SPTA1: variants seen among roughly 807,000 people sequenced by gnomAD.
The protein encoded by SPTA1 is spectrin alpha chain, erythrocytic 1.
SPTA1 carries 177 observed loss-of-function variants against 324.7 expected under a neutral mutation model. The observed-to-expected ratio is 0.55, with a 90% CI of 0.48 to 0.62. The LOEUF (loss-of-function observed/expected upper bound fraction) is 0.62, where lower values mean the gene tolerates loss of function less well. Among genes scored for constraint, SPTA1 ranks in the 20% least tolerant of loss-of-function variants. The pLI, the probability that SPTA1 is intolerant of heterozygous loss-of-function variation, is 0.00. For missense variants in SPTA1, 3,162 were observed against 2,883.6 expected (o/e 1.10, Z -2.21); for synonymous variants, 1,195 against 1,041.3 (o/e 1.15, Z -2.84).
chr1:158,670,593 G>A (rs911508026), intron 12 of SPTA1, among the ~76,000 whole-genome samples: 5 of 152,132 alleles, frequency 3.3e-5, no homozygotes, highest in South Asian at 2.1e-4. Flanking sequence ...GGCAAGGGTG[G>A]TGTTAAAGTC....
chr1:158,673,590 G>A (rs1791672), intron 10 of SPTA1, among the ~76,000 whole-genome samples: 75,537 of 151,590 alleles, frequency 0.5, 20,157 homozygotes, highest in Non-Finnish European at 0.59. Context: ...GAGGAAAGAA[G>A]AACATGCACA....
In SPTA1 at chr1:158,638,223, T is replaced by G; in HGVS notation, c.4999A>C (p.Asn1667His). ...LAREDALKDL[N>H]TLAEDLLSSG... ...GAGAGCAAATCTTCAGCCAATGTATTCAGGTCCTTGAGTGCATCCTAGAAA... is the reference window on the plus strand; with the variant it reads ...GAGAGCAAATCTTCAGCCAATGTATGCAGGTCCTTGAGTGCATCCTAGAAA... The change falls in exon 36 of 52, where the codon AAT becomes CAT. Residue 1667 changes from asparagine to histidine, a missense_variant. Physicochemically the swap from Asn to His is moderately conservative, Grantham distance 68 (BLOSUM62 1). Transcript: ENST00000643759. The G allele has an allele frequency of 6.2e-7, 1 of 1,612,898 alleles. No homozygotes were observed. Among genetic ancestry groups the G allele is most frequent in the African/African-American group, 1.3e-5 (1 of 75,046 alleles).
At chr1:158,667,039 T>C (rs529276026) in intron 15 of SPTA1, among the ~76,000 whole-genome samples, 62 of 152,342 alleles carry the variant, frequency 4.1e-4, no homozygotes, top group African/African-American at 1.4e-3. Flanking sequence ...TATTATCTTA[T>C]TGCAATTATT....
At position 158,618,631 on chromosome 1, in the gene SPTA1, T is replaced by G. The variant is rs114853159; in HGVS notation, c.6531-575A>C. ...TGTTATCTTCAGGTACAGAACAGTT[T>G]GCTATTAATAAGCACAATTAACATA... On this transcript the variant is annotated intron_variant, in intron 45 of 51. Coordinates refer to ENST00000643759, the MANE Select transcript of SPTA1 (RefSeq NM_003126.4). 8.6e-3 allele frequency among the ~76,000 whole-genome samples: 1,315 copies of G among 152,332 alleles called. 17 individuals carry two copies. The highest frequency in any genetic ancestry group is 0.03 in the African/African-American group (1,254 of 41,566).
chr1:158,638,056 T>C lies in SPTA1; in HGVS notation c.5166A>G (p.Leu1722=). The C allele has an allele frequency of 2.5e-6, 4 of 1,613,868 alleles. No homozygotes were observed. Among genetic ancestry groups the C allele is most frequent in the Non-Finnish European group, 3.4e-6 (4 of 1,179,830 alleles). The change falls in exon 36 of 52, where the codon CTA becomes CTG. Residue 1722 remains leucine, a synonymous_variant. Transcript: ENST00000643759. ...ACTCTATCCAGGATTCCTCATCATC[T>C]AGATCCTGGAAGAACTGGAACAAGG... The part of the protein sequence containing the change: ...AYALFQFFQD[L]DDEESWIEEK...
chr1:158,616,904 GT>G (rs1187262055), intron 47 of SPTA1, among the ~76,000 whole-genome samples: 4 of 151,562 alleles, frequency 2.6e-5, no homozygotes, highest in African/African-American at 7.3e-5. Flanking sequence ...ATTATTCCTT[GT>G]TTTTTTAATA....
chr1:158,672,987 TG>T (rs1327848073), intron 10 of SPTA1, among the ~76,000 whole-genome samples: 1 of 150,854 alleles, frequency 6.6e-6, no homozygotes, highest in East Asian at 1.9e-4. Context: ...CCGGATGTGG[TG>T]GTGCGCACCT....
chr1:158,672,925 G>A (rs1032621571), intron 10 of SPTA1, among the ~76,000 whole-genome samples: 11 of 147,500 alleles, frequency 7.5e-5, no homozygotes, highest in African/African-American at 2.4e-4. Flanking sequence ...GGTGAAACCC[G>A]GTTTCTACCA....
Position 158,614,237 on chromosome 1 carries a change from A to G in SPTA1, c.6842+16T>C, listed in dbSNP as rs1649421736. Reference sequence around the variant, plus strand: ...CTGAAAAACAAAGAAGCAGTTAACTATGAAATTATACTCACTTATAGATTG... The same window carrying G: ...CTGAAAAACAAAGAAGCAGTTAACTGTGAAATTATACTCACTTATAGATTG... On this transcript the variant is annotated intron_variant, in intron 49 of 51. Transcript: ENST00000643759. 1 of 1,553,322 alleles carries G rather than the reference A, an allele frequency of 6.4e-7. No individual in the cohort carries two copies. The highest frequency in any genetic ancestry group is 8.9e-7 in the Non-Finnish European group (1 of 1,125,242).
In SPTA1 at chr1:158,642,390, A is replaced by T. The variant is rs956528797; in HGVS notation, c.4737+21T>A. ...TCCTCTTCATGTGACTTTGTAGCCC[A>T]AAACTCATCCTGAGCTTTACCTTCA... On this transcript the variant is annotated intron_variant, in intron 33 of 51. Coordinates refer to ENST00000643759, the MANE Select transcript of SPTA1 (RefSeq NM_003126.4). The T allele has an allele frequency of 5.0e-6, 8 of 1,612,154 alleles. No homozygotes were observed. The African/African-American group carries it at 1.1e-4, about 22-fold the overall frequency.
chr1:158,643,558 T>C (rs1189868142), intron 30 of SPTA1, 133 bp from the exon 31 acceptor site: 4 of 869,800 alleles, frequency 4.6e-6, no homozygotes, highest in South Asian at 1.4e-5. Context: ...AAATAATATA[T>C]GCCTTACAGG....
At position 158,661,384 on chromosome 1, in the gene SPTA1, C is replaced by G. The variant is rs375892683; in HGVS notation, c.2490G>C (p.Lys830Asn). 194 of 1,613,742 alleles carry G rather than the reference C, an allele frequency of 1.2e-4. 1 individual carries two copies. Among genetic ancestry groups the G allele is most frequent in the South Asian group, 1.1e-3 (96 of 91,080 alleles). ...GGATGACTCTATGCCTATTCAGAAG[C>G]TTTTTGGAAGCAATCAGGTCCTTTC... The part of the protein sequence containing the change: ...YLGKDLIASK[K>N]LLNRHRVILE... Residue 830 changes from lysine to asparagine, a missense_variant, in exon 18 of 52, where the codon AAG becomes AAC. Lys to Asn is a moderately conservative substitution (Grantham distance 94). Coordinates refer to ENST00000643759, the MANE Select transcript of SPTA1 (RefSeq NM_003126.4).
rs189047661 is a variant in SPTA1, at chr1:158,638,916, A to T, written c.4980+666T>A. ...CAACAAGAACTACTCTATGGGCAAC[A>T]TTCTTAGCTGCCCATTGAACACATC... On this transcript the variant is annotated intron_variant, in intron 35 of 51. Coordinates refer to ENST00000643759, the MANE Select transcript of SPTA1 (RefSeq NM_003126.4). Among the ~76,000 whole-genome samples the T allele has an allele frequency of 8.0e-4, 122 of 152,238 alleles. 1 individual carries two copies. The highest frequency in any genetic ancestry group is 1.6e-3 in the Non-Finnish European group (106 of 68,022).
At chr1:158,637,581 A>T (rs1011550565) in intron 36 of SPTA1, among the ~76,000 whole-genome samples, 2 of 151,936 alleles carry the variant, frequency 1.3e-5, no homozygotes, top group Non-Finnish European at 2.9e-5. Flanking sequence ...CAAGGTTCTG[A>T]CCAGCTGTGT....
At position 158,677,702 on chromosome 1, in the gene SPTA1, G is replaced by A. The variant is rs757026829; in HGVS notation, c.945C>T (p.Val315=). The part of the protein sequence containing the change: ...SHKGLERNLA[V]MSDKVKELCA... Reference sequence around the variant, plus strand: ...AACAGCGCATTACCTTGTCACTCATGACAGCAAGATTTCTCTCAAGTCCCT... The same window carrying A: ...AACAGCGCATTACCTTGTCACTCATAACAGCAAGATTTCTCTCAAGTCCCT... The change falls in exon 7 of 52, where the codon GTC becomes GTT. Residue 315 remains valine, a synonymous_variant. Coordinates refer to ENST00000643759, the MANE Select transcript of SPTA1 (RefSeq NM_003126.4). 39 of 1,613,438 alleles carry A rather than the reference G, an allele frequency of 2.4e-5. No individual in the cohort carries two copies. In the South Asian group the frequency reaches 4.0e-4, roughly 16 times the overall value.
At chr1:158,678,301 G>C in intron 6 of SPTA1, 100 bp downstream of exon 6, 4 of 1,512,986 alleles carry the variant, frequency 2.6e-6, no homozygotes, top group Non-Finnish European at 3.7e-6. Context: ...TTGAAGTGTT[G>C]ACCATTAATT....
chr1:158,684,159 A>G (rs1233976296), intron 2 of SPTA1, among the ~76,000 whole-genome samples: 1 of 151,940 alleles, frequency 6.6e-6, no homozygotes. Context: ...ATCACATGCT[A>G]TAATTTTAGG....
chr1:158,642,430 C>T lies in SPTA1; in HGVS notation c.4718G>A (p.Gly1573Asp). 6.2e-7 allele frequency: 1 copy of T among 1,613,498 alleles called. No homozygotes were observed. Among genetic ancestry groups the T allele is most frequent in the Non-Finnish European group, 8.5e-7 (1 of 1,179,588 alleles). Residue 1573 changes from glycine to aspartate, a missense_variant, in exon 33 of 52, where the codon GGC (glycine) becomes GAC (aspartate). Physicochemically the swap from Gly to Asp is moderately conservative, Grantham distance 94. Transcript: ENST00000643759. Reference protein sequence around the residue: ...NSLIECSACDGNEEAMKEQLE... With the variant: ...NSLIECSACDDNEEAMKEQLE... ...CTTTACCTTCATGGCCTCTTCATTG[C>T]CATCACAAGCGCTACACTCAATCAG...
At chr1:158,677,901 G>T (rs917418618) in intron 6 of SPTA1, 67 bp from the exon 7 acceptor site, 2 of 1,601,620 alleles carry the variant, frequency 1.2e-6, no homozygotes, top group Admixed American at 3.3e-5. Context: ...CGGTCCAACA[G>T]AACTCACAGC....
Sources: allele counts gnomAD v4.1 joint callset (sites outside exome capture counted in the v4.1 genomes callset), GRCh38; gene constraint gnomAD v4.1.1; transcripts MANE v1.5; gene names NCBI Gene and HGNC (gene_info 2026-07-23, HGNC 2026-07-21).